ZNF492: variants seen among roughly 807,000 people sequenced by gnomAD.
The protein encoded by ZNF492 is zinc finger protein 115 (Y20).
A neutral mutation model predicts 6.4 loss-of-function variants in ZNF492; 3 were observed. The ratio of observed to expected loss-of-function variants is 0.47; its 90% CI spans 0.21 to 1.22. The LOEUF (loss-of-function observed/expected upper bound fraction) is 1.22. Among genes scored for constraint, ZNF492 ranks in the 50% most tolerant of loss-of-function variants. The pLI, the probability that ZNF492 is intolerant of heterozygous loss-of-function variation, is 0.22. For missense variants in ZNF492, 356 were observed against 612.5 expected (o/e 0.58, Z 4.42); for synonymous variants, 112 against 205.3 (o/e 0.55, Z 3.89).
At chr19:22,635,469 A>T (rs1408814323) in intron 1 of ZNF492, among the ~76,000 whole-genome samples, 1 of 152,210 alleles carries the variant, frequency 6.6e-6, no homozygotes, top group African/African-American at 2.4e-5. Flanking sequence ...TCATTTTTTG[A>T]CAAAGCATTA....
chr19:22,654,371 A>G (rs1332876644), intron 3 of ZNF492, among the ~76,000 whole-genome samples: 1 of 152,076 alleles, frequency 6.6e-6, no homozygotes, highest in East Asian at 1.9e-4. Context: ...CTGTTTTTCA[A>G]GTTCTGTTTT....
Position 22,665,529 on chromosome 19 carries a change from CA to C in ZNF492, c.*268del, listed in dbSNP as rs1158713429. 3 of 554,016 alleles carry C rather than the reference CA, an allele frequency of 5.4e-6. No individual in the cohort carries two copies. In the African/African-American group the frequency reaches 5.9e-5, roughly 11 times the overall value. The allele number at this position is 554,016 out of a possible 1,614,324, so 34.3% of individuals were successfully genotyped here. A position where few individuals can be genotyped will look rare whatever the true frequency, so the allele number is the denominator to read the frequency against. ...ATAGCATTAAAAGTGCAATTACTGT[CA>C]AAAGAGTTCAAAAAATAAGCATTTA... is the stretch of plus-strand genomic sequence containing the variant. On this transcript the variant is annotated 3_prime_UTR_variant, in exon 4 of 4. Transcript: ENST00000456783.
chr19:22,639,218 C>G (rs1357597551), intron 1 of ZNF492, among the ~76,000 whole-genome samples: 1 of 152,124 alleles, frequency 6.6e-6, no homozygotes, highest in Non-Finnish European at 1.5e-5. Flanking sequence ...GCAGTGTTTT[C>G]ACAGTGTTGT....
rs1224699211 is a variant in ZNF492, at chr19:22,666,286, G to T, written c.*1021G>T. On this transcript the variant is annotated 3_prime_UTR_variant, in exon 4 of 4. Transcript: ENST00000456783. ...GCTCACTGCAACCTCCGTCTCCAGG[G>T]TTCAAGTGATTCTCCTGCCTCAGCC... The T allele has an allele frequency of 6.6e-6, 1 of 151,140 alleles. No homozygotes were observed. Among genetic ancestry groups the T allele is most frequent in the Non-Finnish European group, 1.5e-5 (1 of 67,978 alleles). 9.4% of individuals were successfully genotyped at this position (151,140 alleles called of 1,614,324 possible). A position where few individuals can be genotyped will look rare whatever the true frequency, so the allele number is the denominator to read the frequency against.
At position 22,641,244 on chromosome 19, in the gene ZNF492, A is replaced by T. The variant is rs567975688; in HGVS notation, c.-94+6770A>T. ...TTCAATGTAAGCATTTAATGCTATA[A>T]TTTTTTTCTCCTAACACTGCCTTAG... On this transcript the variant is annotated intron_variant, in intron 1 of 3. Transcript: ENST00000456783. Among the ~76,000 whole-genome samples, 23 of 152,228 alleles carry T rather than the reference A, an allele frequency of 1.5e-4. No homozygotes were observed. The East Asian group carries it at 4.2e-3, about 28-fold the overall frequency.
At position 22,647,734 on chromosome 19, in the gene ZNF492, T is replaced by TG. The variant is rs1302466473; in HGVS notation, c.-93-5573_-93-5572insG. ...TGCTTTCTAGCTCTTTTAGTTTTTT[T>TG]TTTTTTTTTTTTTGAGATGGAGACT... is the stretch of plus-strand genomic sequence containing the variant. On this transcript the variant is annotated intron_variant, in intron 1 of 3. Transcript: ENST00000456783. Among the ~76,000 whole-genome samples, 7 of 139,202 alleles carry TG rather than the reference T, an allele frequency of 5.0e-5. No homozygotes were observed. The South Asian group carries it at 9.1e-4, about 18-fold the overall frequency. The allele number at this position is 139,202 out of a possible 152,430, so 91.3% of individuals were successfully genotyped here.
Position 22,665,438 on chromosome 19 carries a change from A to T in ZNF492, c.*173A>T. 1 of 1,325,410 alleles carries T rather than the reference A, an allele frequency of 7.5e-7. No homozygotes were observed. Among genetic ancestry groups the T allele is most frequent in the South Asian group, 1.6e-5 (1 of 61,122 alleles). The allele number at this position is 1,325,410 out of a possible 1,614,324, so 82.1% of individuals were successfully genotyped here. ...TTTATACTTGAGAACAAATGTACAAATATAAAGAAAGTAAAAAAGTGATTA... is the reference window on the plus strand; with the variant it reads ...TTTATACTTGAGAACAAATGTACAATTATAAAGAAAGTAAAAAAGTGATTA... On this transcript the variant is annotated 3_prime_UTR_variant, in exon 4 of 4. Transcript: ENST00000456783.
intron 1 of ZNF492, among the ~76,000 whole-genome samples, chr19:22,635,197 T>G (rs755931875): frequency 6.6e-6 from 1 of 152,136 alleles, no homozygotes; most frequent in Non-Finnish European, 1.5e-5. Flanking sequence ...TTTGATTTTT[T>G]AAAATTAGGA....
In ZNF492 at chr19:22,665,847, T is replaced by C. The variant is rs1259426283; in HGVS notation, c.*582T>C. Reference sequence around the variant, plus strand: ...AAATAGAAAAAAATATTTAATTCAATGGTAAGTTTATGTAAATATCAGAGA... The same window carrying C: ...AAATAGAAAAAAATATTTAATTCAACGGTAAGTTTATGTAAATATCAGAGA... On this transcript the variant is annotated 3_prime_UTR_variant, in exon 4 of 4. Transcript: ENST00000456783. The C allele has an allele frequency of 6.5e-6, 1 of 152,754 alleles. No individual in the cohort carries two copies. The allele number at this position is 152,754 out of a possible 1,614,324, so 9.5% of individuals were successfully genotyped here.
chr19:22,663,051 G>C (rs1262167338), intron 3 of ZNF492, among the ~76,000 whole-genome samples: 1 of 151,928 alleles, frequency 6.6e-6, no homozygotes, highest in Admixed American at 6.6e-5. Flanking sequence ...TTTCCTCTAG[G>C]GTTTTTATGG....
chr19:22,634,571 G>A (rs1481129403), intron 1 of ZNF492, 97 bp downstream of exon 1: 1 of 1,189,064 alleles, frequency 8.4e-7, no homozygotes, highest in Non-Finnish European at 1.2e-6. Context: ...CCCGCAGTCG[G>A]CTCCACAATC....
chr19:22,662,292 T>C (rs552050627), intron 3 of ZNF492, among the ~76,000 whole-genome samples: 402 of 152,322 alleles, frequency 2.6e-3, no homozygotes, highest in African/African-American at 8.0e-3. Context: ...CATAGTATTC[T>C]GTAGTGTATA....
At chr19:22,640,188 A>C (rs959557230) in intron 1 of ZNF492, among the ~76,000 whole-genome samples, 7 of 150,284 alleles carry the variant, frequency 4.7e-5, no homozygotes, top group Admixed American at 6.6e-5. Flanking sequence ...TTTGAGATGG[A>C]GTCTCACTCT....
In ZNF492 at chr19:22,666,725, TTA is replaced by T; in HGVS notation, c.*1461_*1462del. On this transcript the variant is annotated 3_prime_UTR_variant, in exon 4 of 4. Transcript: ENST00000456783. ...CTGCATTATATTGAGAGACAAATTT[TTA>T]GTTTTAGTTAAAATTAAAAATAAAT... 1 of 152,252 alleles carries T rather than the reference TTA, an allele frequency of 6.6e-6. No individual in the cohort carries two copies. The highest frequency in any genetic ancestry group is 1.5e-5 in the Non-Finnish European group (1 of 68,024). The allele number at this position is 152,252 out of a possible 1,614,324, so 9.4% of individuals were successfully genotyped here. A position where few individuals can be genotyped will look rare whatever the true frequency, so the allele number is the denominator to read the frequency against.
chr19:22,637,424 C>T (rs761736645), intron 1 of ZNF492, among the ~76,000 whole-genome samples: 2 of 152,136 alleles, frequency 1.3e-5, no homozygotes, highest in Admixed American at 6.5e-5. Context: ...CCCCAAGTAG[C>T]TGGGACTACA....
At position 22,667,437 on chromosome 19, in the gene ZNF492, A is replaced by G. The variant is rs78411853; in HGVS notation, c.*2172A>G. ...CAGGCATATAATATTTATGTTATATATGGCATATTCTGATAAGAGGCATAC... is the reference window on the plus strand; with the variant it reads ...CAGGCATATAATATTTATGTTATATGTGGCATATTCTGATAAGAGGCATAC... On this transcript the variant is annotated 3_prime_UTR_variant, in exon 4 of 4. Coordinates refer to ENST00000456783, the MANE Select transcript of ZNF492 (RefSeq NM_020855.3). 1.3e-5 allele frequency: 2 copies of G among 151,972 alleles called. No homozygotes were observed. Among genetic ancestry groups the G allele is most frequent in the African/African-American group, 4.8e-5 (2 of 41,332 alleles). The allele number at this position is 151,972 out of a possible 1,614,324, so 9.4% of individuals were successfully genotyped here. A position where few individuals can be genotyped will look rare whatever the true frequency, so the allele number is the denominator to read the frequency against.
At chr19:22,639,501 G>A (rs1359845021) in intron 1 of ZNF492, among the ~76,000 whole-genome samples, 1 of 151,710 alleles carries the variant, frequency 6.6e-6, no homozygotes, top group African/African-American at 2.4e-5. Context: ...ATCTGAGGTC[G>A]GAAGTTCAAG....
At chr19:22,653,186 A>G (rs981122697) in intron 1 of ZNF492, 121 bp from the exon 2 acceptor site, 11 of 1,099,820 alleles carry the variant, frequency 1.0e-5, no homozygotes, top group African/African-American at 8.3e-5. Context: ...TTTATTAAAT[A>G]TATCAGTCAC....
At position 22,667,422 on chromosome 19, in the gene ZNF492, A is replaced by G. The variant is rs898652821; in HGVS notation, c.*2157A>G. ...TTTTGTTAGTTTTTTCAGGCATATA[A>G]TATTTATGTTATATATGGCATATTC... On this transcript the variant is annotated 3_prime_UTR_variant, in exon 4 of 4. Transcript: ENST00000456783. 1 of 151,924 alleles carries G rather than the reference A, an allele frequency of 6.6e-6. No homozygotes were observed. The highest frequency in any genetic ancestry group is 1.5e-5 in the Non-Finnish European group (1 of 68,008). The allele number at this position is 151,924 out of a possible 1,614,324, so 9.4% of individuals were successfully genotyped here. A position where few individuals can be genotyped will look rare whatever the true frequency, so the allele number is the denominator to read the frequency against.
Sources: allele counts gnomAD v4.1 joint callset (sites outside exome capture counted in the v4.1 genomes callset), GRCh38; gene constraint gnomAD v4.1.1; transcripts MANE v1.5; gene names NCBI Gene and HGNC (gene_info 2026-07-23, HGNC 2026-07-21).